CPNE4: variants seen among roughly 807,000 people sequenced by gnomAD.
CPNE4 encodes copine-4.
CPNE4 carries 25 observed loss-of-function variants against 67.9 expected under a neutral mutation model. The observed-to-expected ratio is 0.37, with a 90% CI of 0.27 to 0.51. The LOEUF (loss-of-function observed/expected upper bound fraction) is 0.51. Ranked by LOEUF, CPNE4 falls within the 20% of genes least tolerant of loss-of-function variation. The pLI, the probability that CPNE4 is intolerant of heterozygous loss-of-function variation, is 0.93. For missense variants in CPNE4, 464 were observed against 690.8 expected (o/e 0.67, Z 3.68); for synonymous variants, 242 against 244.9 (o/e 0.99, Z 0.11).
intron 1 of CPNE4, among the ~76,000 whole-genome samples, chr3:131,916,596 TAAC>T (rs1439418003): frequency 6.6e-6 from 1 of 152,048 alleles, no homozygotes; most frequent in Non-Finnish European, 1.5e-5. Flanking sequence ...GTTGAACAGA[TAAC>T]AAAGTATAAA....
At chr3:131,847,147 C>T (rs2107633965) in intron 2 of CPNE4, among the ~76,000 whole-genome samples, 1 of 152,276 alleles carries the variant, frequency 6.6e-6, no homozygotes, top group African/African-American at 2.4e-5. Context: ...GTGTTCCTGC[C>T]ATTCCTCTAG....
intron 1 of CPNE4, among the ~76,000 whole-genome samples, chr3:131,978,772 G>A (rs1261427956): frequency 1.3e-5 from 2 of 150,450 alleles, no homozygotes; most frequent in Admixed American, 1.3e-4. Context: ...AGCCCCTTGA[G>A]GTATGACCTT....
chr3:131,955,409 G>GGTTTTTTT lies in CPNE4; in HGVS notation c.-1-49973_-1-49966dup, dbSNP rs1433804950. On this transcript the variant is annotated intron_variant, in intron 1 of 15. Coordinates refer to ENST00000429747, the MANE Select transcript of CPNE4 (RefSeq NM_130808.3). ...TTTTTCTGTGTGGTATTGTATGTAA[G>GGTTTTTTT]GTTTTTTTTTTTTTTTTTTTTTTTT... Among the ~76,000 whole-genome samples, 181 of 53,576 alleles carry GGTTTTTTT rather than the reference G, an allele frequency of 3.4e-3. 1 individual carries two copies. Among genetic ancestry groups the GGTTTTTTT allele is most frequent in the Non-Finnish European group, 5.3e-3 (137 of 25,714 alleles). 35.1% of individuals were successfully genotyped at this position (53,576 alleles called of 152,430 possible).
At position 131,921,885 on chromosome 3, in the gene CPNE4, G is replaced by A. The variant is rs1467027871; in HGVS notation, c.-1-16441C>T. Among the ~76,000 whole-genome samples the A allele has an allele frequency of 3.3e-5, 5 of 152,110 alleles. No homozygotes were observed. The East Asian group carries it at 7.7e-4, about 23-fold the overall frequency. On this transcript the variant is annotated intron_variant, in intron 1 of 15. Transcript: ENST00000429747. Reference sequence around the variant, plus strand: ...ATGCTTTGGTCCAAACTAGAGAGAAGAGAGAAGAGAGGTAATATTTATCAA... The same window carrying A: ...ATGCTTTGGTCCAAACTAGAGAGAAAAGAGAAGAGAGGTAATATTTATCAA...
chr3:131,754,700 T>G (rs1256309839), intron 2 of CPNE4, among the ~76,000 whole-genome samples: 1 of 152,084 alleles, frequency 6.6e-6, no homozygotes, highest in Non-Finnish European at 1.5e-5. Flanking sequence ...AAGAGTATAG[T>G]TGAAGTTGTA....
At chr3:131,559,709 G>C (rs1455754868) in intron 11 of CPNE4, among the ~76,000 whole-genome samples, 1 of 151,908 alleles carries the variant, frequency 6.6e-6, no homozygotes, top group African/African-American at 2.4e-5. Context: ...AAATTTTGGA[G>C]GGAAGAGAAT....
intron 2 of CPNE4, among the ~76,000 whole-genome samples, chr3:131,738,850 T>C (rs2082296651): frequency 1.8e-5 from 2 of 113,398 alleles, no homozygotes; most frequent in African/African-American, 5.5e-5. Flanking sequence ...GTCTTTTTCT[T>C]TTTCTTTTTT....
intron 8 of CPNE4, among the ~76,000 whole-genome samples, chr3:131,584,345 A>G (rs1938038815): frequency 6.6e-6 from 1 of 152,202 alleles, no homozygotes; most frequent in African/African-American, 2.4e-5. Context: ...AAACTTCCTC[A>G]TAAACTGGAC....
At chr3:131,553,456 C>G (rs1373600153) in intron 12 of CPNE4, among the ~76,000 whole-genome samples, 1 of 152,034 alleles carries the variant, frequency 6.6e-6, no homozygotes, top group Non-Finnish European at 1.5e-5. Flanking sequence ...GCCCAAGTGA[C>G]AGGCTAAAAG....
intron 1 of CPNE4, among the ~76,000 whole-genome samples, chr3:132,016,987 T>C (rs1420072763): frequency 6.6e-6 from 1 of 152,128 alleles, no homozygotes; most frequent in Non-Finnish European, 1.5e-5. Flanking sequence ...TTGCATGTGG[T>C]AGGTGTTCAA....
chr3:131,877,017 C>G (rs528692871), intron 2 of CPNE4, among the ~76,000 whole-genome samples: 1 of 143,756 alleles, frequency 7.0e-6, no homozygotes, highest in Admixed American at 6.9e-5. Context: ...TTTTTTTTTT[C>G]TTGACACCAA....
chr3:131,978,468 T>TTATATATATTTATATATTTA (rs1394633212), intron 1 of CPNE4, among the ~76,000 whole-genome samples: 1 of 20,428 alleles, frequency 4.9e-5, no homozygotes, highest in African/African-American at 3.7e-4. Context: ...TTATATATAT[T>TTATATATATTTATATATTTA]TATATATTTA....
intron 1 of CPNE4, among the ~76,000 whole-genome samples, chr3:131,931,355 A>C (rs1027871657): frequency 6.6e-6 from 1 of 152,206 alleles, no homozygotes. Flanking sequence ...TCTTCTCAGG[A>C]AGGCGAAGAT....
In CPNE4 at chr3:131,597,585, A is replaced by G. The variant is rs1388713089; in HGVS notation, c.682-10003T>C. Among the ~76,000 whole-genome samples, 3 of 152,242 alleles carry G rather than the reference A, an allele frequency of 2.0e-5. No individual in the cohort carries two copies. In the East Asian group the frequency reaches 5.8e-4, roughly 29 times the overall value. On this transcript the variant is annotated intron_variant, in intron 7 of 15. Coordinates refer to ENST00000429747, the MANE Select transcript of CPNE4 (RefSeq NM_130808.3). ...ACCAGCTGTCCAAACTGTGATCATCACATAACGTAACTGCTGCTGATCAGT... is the reference window on the plus strand; with the variant it reads ...ACCAGCTGTCCAAACTGTGATCATCGCATAACGTAACTGCTGCTGATCAGT...
At chr3:131,576,055 A>G (rs539870831) in intron 9 of CPNE4, among the ~76,000 whole-genome samples, 1 of 152,186 alleles carries the variant, frequency 6.6e-6, no homozygotes, top group Admixed American at 6.5e-5. Context: ...AAACACATAC[A>G]GTACTTACAG....
chr3:131,613,631 T>A (rs561182166), intron 7 of CPNE4, among the ~76,000 whole-genome samples: 1 of 152,214 alleles, frequency 6.6e-6, no homozygotes, highest in Admixed American at 6.5e-5. Context: ...ACCTAAGTAT[T>A]GCTTTGGCAT....
intron 2 of CPNE4, among the ~76,000 whole-genome samples, chr3:131,876,239 AAAATAAAT>A (rs60812638): frequency 0.31 from 43,754 of 139,424 alleles, 7,268 homozygotes; most frequent in Middle Eastern, 0.46. Context: ...ACTCGGTCTC[AAAATAAAT>A]AAATAAATAA....
intron 5 of CPNE4, among the ~76,000 whole-genome samples, chr3:131,695,100 A>T (rs1320033648): frequency 1.3e-5 from 2 of 152,176 alleles, no homozygotes; most frequent in African/African-American, 4.8e-5. Context: ...TCCATTCTAC[A>T]ACTTTGCCCT....
chr3:131,614,266 A>G (rs1269549771), intron 7 of CPNE4, among the ~76,000 whole-genome samples: 1 of 152,244 alleles, frequency 6.6e-6, no homozygotes, highest in African/African-American at 2.4e-5. Context: ...TAGGAAACAT[A>G]CTATGTACAA....
Sources: allele counts gnomAD v4.1 joint callset (sites outside exome capture counted in the v4.1 genomes callset), GRCh38; gene constraint gnomAD v4.1.1; transcripts MANE v1.5; gene names NCBI Gene and HGNC (gene_info 2026-07-23, HGNC 2026-07-21).